Variants in TRMT1L observed in about 807,000 individuals in gnomAD.
TRMT1L encodes tRNA methyltransferase 1L.
TRMT1L carries 28 observed loss-of-function variants against 81.6 expected under a neutral mutation model. The observed-to-expected ratio is 0.34, with a 90% confidence interval of 0.25 to 0.47. TRMT1L has a LOEUF of 0.47. TRMT1L is among the 20% of genes least tolerant of loss of function. TRMT1L has a pLI of 1.00. For synonymous variants in TRMT1L, 301 were observed against 303.2 expected, an observed-to-expected ratio of 0.99 and a Z score of 0.07; for missense variants, 739 against 877.1, an observed-to-expected ratio of 0.84 and a Z score of 1.99.
At position 185,156,606 on chromosome 1, in the gene TRMT1L, G is replaced by A. The variant is rs1653590573; in HGVS notation, c.107C>T (p.Ala36Val). The change falls in exon 1 of 15, where the codon GCT (alanine) becomes GTT (valine). Residue 36 changes from alanine (A) to valine (V), a missense_variant. This residue lies in a region of TRMT1L where 209 missense variants were observed against 165.4 expected (regional missense o/e 1.26). Coordinates refer to ENST00000367506, the MANE Select transcript of TRMT1L (RefSeq NM_030934.5). ...TPARDSAGVP[A>V]PAPDSALDSA... ...GTCCAGAGCCGAATCCGGGGCCGGAGCTGGGACCCCAGCCGAGTCCCGGGC... is the reference window on the plus strand; with the variant it reads ...GTCCAGAGCCGAATCCGGGGCCGGAACTGGGACCCCAGCCGAGTCCCGGGC... The A allele has an allele frequency of 6.3e-7, 1 of 1,599,686 alleles. No homozygotes were observed. The highest frequency in any genetic ancestry group is 8.5e-7 in the Non-Finnish European group (1 of 1,173,200).
intron 10 of TRMT1L, among the ~76,000 whole-genome samples, chr1:185,131,130 G>T (rs1405485928): frequency 2.0e-5 from 3 of 151,982 alleles, no homozygotes; most frequent in Admixed American, 6.6e-5. Flanking sequence ...CTCCCGAGTA[G>T]CTGGGACTAT....
At position 185,125,098 on chromosome 1, in the gene TRMT1L, A is replaced by T; in HGVS notation, c.1605T>A (p.Leu535=). The change falls in exon 12 of 15, where the codon CTT becomes CTA. Residue 535 remains leucine, a synonymous_variant. Transcript: ENST00000367506. ...IELGPLWSSS[L]FNTGFLKRML... is the part of the protein sequence containing the mutation. ...TTCTTTTGAGGAATCCAGTATTGAA[A>T]AGGGAACTTGACCTGAAAAGAAAAG... The T allele has an allele frequency of 1.2e-6, 2 of 1,606,000 alleles. No homozygotes were observed. Among genetic ancestry groups the T allele is most frequent in the Non-Finnish European group, 1.7e-6 (2 of 1,175,848 alleles).
Position 185,123,863 on chromosome 1 carries a change from C to A in TRMT1L, c.1816G>T (p.Ala606Ser). 6.6e-7 allele frequency: 1 copy of A among 1,509,046 alleles called. No individual in the cohort carries two copies. The highest frequency in any genetic ancestry group is 8.9e-7 in the Non-Finnish European group (1 of 1,127,648). The allele number at this position is 1,509,046 out of a possible 1,614,324, so 93.5% of individuals were successfully genotyped here. A position where few individuals can be genotyped will look rare whatever the true frequency, so the allele number is the denominator to read the frequency against. Residue 606 changes from alanine (A) to serine (S), a missense_variant, in exon 13 of 15, where the codon GCA (alanine) becomes TCA (serine). By Grantham distance (99) the Ala-to-Ser change is moderately conservative (BLOSUM62 1). This residue lies in a region of TRMT1L where 196 missense variants were observed against 232.6 expected (regional missense o/e 0.84). Coordinates refer to ENST00000367506, the MANE Select transcript of TRMT1L (RefSeq NM_030934.5). Reference protein sequence around the residue: ...TDDTTTDNYIAQGKRKSNEMI... With the variant: ...TDDTTTDNYISQGKRKSNEMI... ...CACATATATGCATACATACCTTGTGCAATGTAATTATCTGTTGTGGTGTCA... is the reference window on the plus strand; with the variant it reads ...CACATATATGCATACATACCTTGTGAAATGTAATTATCTGTTGTGGTGTCA...
intron 9 of TRMT1L, among the ~76,000 whole-genome samples, chr1:185,138,149 A>G (rs1403147296): frequency 6.6e-6 from 1 of 152,134 alleles, no homozygotes; most frequent in Non-Finnish European, 1.5e-5. Context: ...AGCTTCTTTC[A>G]AACAGTATCT....
In TRMT1L at chr1:185,150,370, A is replaced by G. The variant is rs1271438764; in HGVS notation, c.460+9T>C. The stretch of plus-strand genomic sequence containing the variant: ...TATATTACTTCTTTGCAAGCACAAA[A>G]ATACTAACCTTCAAATTCAACTGAG... On this transcript the variant is annotated intron_variant, in intron 3 of 14. Coordinates refer to ENST00000367506, the MANE Select transcript of TRMT1L (RefSeq NM_030934.5). 2 of 1,598,154 alleles carry G rather than the reference A, an allele frequency of 1.3e-6. No individual in the cohort carries two copies. Among genetic ancestry groups the G allele is most frequent in the African/African-American group, 2.7e-5 (2 of 74,406 alleles).
chr1:185,143,711 G>A (rs1467143639), intron 6 of TRMT1L, among the ~76,000 whole-genome samples, 195 bp downstream of exon 6: 4 of 151,896 alleles, frequency 2.6e-5, no homozygotes, highest in South Asian at 2.1e-4. Flanking sequence ...ATAAAGTTAC[G>A]CCTATCTTAT....
At position 185,156,478 on chromosome 1, in the gene TRMT1L, T is replaced by C; in HGVS notation, c.235A>G (p.Lys79Glu). 6.2e-7 allele frequency: 1 copy of C among 1,613,918 alleles called. No homozygotes were observed. The highest frequency in any genetic ancestry group is 8.5e-7 in the Non-Finnish European group (1 of 1,179,870). The change falls in exon 1 of 15, where the codon AAG becomes GAG. Residue 79 changes from lysine to glutamate, a missense_variant and splice_region_variant. Physicochemically the swap from Lys to Glu is moderately conservative, Grantham distance 56 (BLOSUM62 1). This residue lies in a region of TRMT1L where 209 missense variants were observed against 165.4 expected (regional missense o/e 1.26). Coordinates refer to ENST00000367506, the MANE Select transcript of TRMT1L (RefSeq NM_030934.5). ...LASAPEEAKSKRHISIQRQLA... is the reference protein window; with the variant it reads ...LASAPEEAKSERHISIQRQLA... ...AAAGATCTGGGCCTTCTGCACTTAC[T>C]GCTTTTAGCCTCCTCAGGGGCAGAG...
At chr1:185,143,323 T>C (rs1377466783) in intron 7 of TRMT1L, 34 bp downstream of exon 7, 3 of 1,537,134 alleles carry the variant, frequency 2.0e-6, no homozygotes. Flanking sequence ...ATTGAATAAA[T>C]AAAATGGGGT....
At chr1:185,137,583 CAT>C (rs772145917) in intron 10 of TRMT1L, 21 bp downstream of exon 10, 1 of 1,601,856 alleles carries the variant, frequency 6.2e-7, no homozygotes, top group South Asian at 1.1e-5. Flanking sequence ...TATAGATAAA[CAT>C]AATATATAAC....
rs1653596741 is a variant in TRMT1L at position 185,156,656 on chromosome 1, C to T, written c.57G>A (p.Val19=). The T allele has an allele frequency of 6.2e-7, 1 of 1,610,614 alleles. No homozygotes were observed. Among genetic ancestry groups the T allele is most frequent in the South Asian group, 1.1e-5 (1 of 90,880 alleles). ...LLPLEKEEVE[V]AQVQVPTPAR... ...CCGGGGTCGGGACCTGGACCTGGGC[C>T]ACCTCCACCTCCTCCTTCTCCAGGG... Residue 19 remains valine (V), a synonymous_variant, in exon 1 of 15, where the codon GTG becomes GTA. Coordinates refer to ENST00000367506, the MANE Select transcript of TRMT1L (RefSeq NM_030934.5).
At chr1:185,140,366 G>C in intron 7 of TRMT1L, 144 bp from the exon 8 acceptor site, 1 of 722,672 alleles carries the variant, frequency 1.4e-6, no homozygotes, top group South Asian at 2.3e-5. Flanking sequence ...TTACTACAAA[G>C]CTTCTCAAGA....
At chr1:185,127,549 G>A (rs1652660473) in intron 11 of TRMT1L, among the ~76,000 whole-genome samples, 1 of 151,898 alleles carries the variant, frequency 6.6e-6, no homozygotes, top group Admixed American at 6.6e-5. Flanking sequence ...CTTGAGGTCG[G>A]GAGTTTGATA....
intron 11 of TRMT1L, 115 bp downstream of exon 11, chr1:185,128,554 C>T: frequency 3.1e-6 from 3 of 973,348 alleles, no homozygotes; most frequent in Non-Finnish European, 3.2e-6. Flanking sequence ...TAATTATTTG[C>T]CTAGACTTAA....
At chr1:185,149,565 A>G (rs1653285904) in intron 3 of TRMT1L, among the ~76,000 whole-genome samples, 2 of 152,018 alleles carry the variant, frequency 1.3e-5, no homozygotes, top group South Asian at 4.1e-4. Flanking sequence ...CAGCTTCCCA[A>G]AGTGCTGAGA....
chr1:185,122,969 G>A (rs1333534263), intron 13 of TRMT1L, among the ~76,000 whole-genome samples: 1 of 152,104 alleles, frequency 6.6e-6, no homozygotes, highest in Non-Finnish European at 1.5e-5. Flanking sequence ...ATAGGCATGA[G>A]CCACTATGCC....
At chr1:185,138,799 C>T (rs2102244167) in intron 9 of TRMT1L, among the ~76,000 whole-genome samples, 1 of 152,228 alleles carries the variant, frequency 6.6e-6, no homozygotes, top group African/African-American at 2.4e-5. Context: ...ATGACTGTTT[C>T]TTTCTGAGGC....
In TRMT1L at chr1:185,143,455, C is replaced by G. The variant is rs1653103276; in HGVS notation, c.780-19G>C. 1 of 1,588,212 alleles carries G rather than the reference C, an allele frequency of 6.3e-7. No homozygotes were observed. Reference sequence around the variant, plus strand: ...TAGCTGCCTAGAAGGAAATCATAATCTGAAATAACTTTACCATGGCTTCAC... The same window carrying G: ...TAGCTGCCTAGAAGGAAATCATAATGTGAAATAACTTTACCATGGCTTCAC... On this transcript the variant is annotated intron_variant, in intron 6 of 14. Coordinates refer to ENST00000367506, the MANE Select transcript of TRMT1L (RefSeq NM_030934.5).
Position 185,151,872 on chromosome 1 carries a change from C to T in TRMT1L, c.299G>A (p.Gly100Glu), listed in dbSNP as rs1322446858. The stretch of plus-strand genomic sequence containing the variant: ...CAATGAGCTGGCAGAGTCAAAATTT[C>T]CATCAGTTACAAAAGCTAAATTCTC... ...DLENLAFVTD[G>E]NFDSASSLNS... The change falls in exon 2 of 15, where the codon GGA becomes GAA. Residue 100 changes from glycine to glutamate, a missense_variant. Around this residue, in one of 4 missense-constraint regions of TRMT1L, gnomAD observed 209 missense variants for 165.4 expected, o/e 1.26. Transcript: ENST00000367506. The T allele has an allele frequency of 6.2e-7, 1 of 1,603,238 alleles. No homozygotes were observed. Among genetic ancestry groups the T allele is most frequent in the Admixed American group, 1.7e-5 (1 of 58,406 alleles).
At chr1:185,128,849 A>G (rs1652698645) in intron 10 of TRMT1L, 102 bp from the exon 11 acceptor site, 2 of 1,001,634 alleles carry the variant, frequency 2.0e-6, no homozygotes, top group Non-Finnish European at 1.5e-6. Flanking sequence ...TATACTGAGG[A>G]TCTACTATGT....
Sources: gnomAD v4.1 joint callset for allele counts (sites outside exome capture counted in the v4.1 genomes callset) on GRCh38, gnomAD v4.1.1 for gene constraint, gnomAD v4.1.1 regional missense constraint, MANE v1.5 for transcripts, NCBI Gene and HGNC (gene_info 2026-07-23, HGNC 2026-07-21) for gene names.